The following ETV6 variants were observed in gnomAD, a reference collection of about 807,000 sequenced individuals.
ETV6 encodes the protein transcription factor ETV6.
In ETV6, 16 loss-of-function variants were observed where a neutral mutation model predicts 51.1. The observed-to-expected ratio is 0.31, with a 90% CI of 0.21 to 0.48. ETV6 has a LOEUF of 0.48. Among genes scored for constraint, ETV6 ranks in the 20% least tolerant of loss-of-function variants. The pLI, the probability that ETV6 is intolerant of heterozygous loss-of-function variation, is 0.99. For missense variants in ETV6, 458 were observed against 594.8 expected, an observed-to-expected ratio of 0.77 and a Z score of 2.39; for synonymous variants, 240 against 224.1, an observed-to-expected ratio of 1.07 and a Z score of -0.64.
chr12:11,829,051 C>T (rs2136449382), intron 2 of ETV6, among the ~76,000 whole-genome samples: 1 of 152,224 alleles, frequency 6.6e-6, no homozygotes, highest in East Asian at 1.9e-4. Flanking sequence ...TTCCGCAACC[C>T]CACCTGAGCC....
intron 5 of ETV6, among the ~76,000 whole-genome samples, chr12:11,881,300 G>T (rs1258492141): frequency 1.3e-5 from 2 of 152,182 alleles, no homozygotes; most frequent in African/African-American, 4.8e-5. Context: ...TTTTCCAGTT[G>T]GAAGAGATTA....
At chr12:11,752,639 C>T in intron 2 of ETV6, 60 bp downstream of exon 2, 1 of 1,555,292 alleles carries the variant, frequency 6.4e-7, no homozygotes, top group Non-Finnish European at 8.7e-7. Flanking sequence ...GGGTGGCAGG[C>T]AGTGGGCTCC....
intron 2 of ETV6, among the ~76,000 whole-genome samples, chr12:11,818,258 C>T (rs984749516): frequency 6.6e-6 from 1 of 152,196 alleles, no homozygotes; most frequent in African/African-American, 2.4e-5. Context: ...TGACTCACAC[C>T]TGTAATCCCA....
intron 1 of ETV6, among the ~76,000 whole-genome samples, chr12:11,699,969 TG>T (rs1289206723): frequency 6.6e-6 from 1 of 152,246 alleles, no homozygotes; most frequent in Non-Finnish European, 1.5e-5. Flanking sequence ...CTACTGCGTT[TG>T]TATTTCTTTT....
chr12:11,795,459 A>T (rs1363873669), intron 2 of ETV6, among the ~76,000 whole-genome samples: 2 of 152,268 alleles, frequency 1.3e-5, no homozygotes, highest in Admixed American at 6.5e-5. Context: ...CCTCCAAGGA[A>T]ACCAGGCCAA....
intron 2 of ETV6, among the ~76,000 whole-genome samples, chr12:11,789,356 GTTTTTTA>G (rs1945545663): frequency 6.6e-6 from 1 of 152,074 alleles, no homozygotes; most frequent in Non-Finnish European, 1.5e-5. Context: ...TTCTTACTTG[GTTTTTTA>G]TCTCCTTCAC....
At chr12:11,686,407 T>A (rs901791000) in intron 1 of ETV6, among the ~76,000 whole-genome samples, 2 of 152,234 alleles carry the variant, frequency 1.3e-5, no homozygotes, top group African/African-American at 2.4e-5. Flanking sequence ...TGTCGGGAAT[T>A]CACTGTTCTG....
At chr12:11,884,370 C>T (rs2136594676) in intron 5 of ETV6, 75 bp from the exon 6 acceptor site, 1 of 1,542,418 alleles carries the variant, frequency 6.5e-7, no homozygotes, top group South Asian at 1.1e-5. Context: ...TTGCTGGATT[C>T]TTTTTTGATT....
chr12:11,651,850 A>G (rs1343654011), intron 1 of ETV6, among the ~76,000 whole-genome samples: 1 of 152,198 alleles, frequency 6.6e-6, no homozygotes, highest in Non-Finnish European at 1.5e-5. Context: ...AACAACAAAA[A>G]ACAATGCTTT....
At chr12:11,792,571 C>G (rs1290652622) in intron 2 of ETV6, among the ~76,000 whole-genome samples, 2 of 151,962 alleles carry the variant, frequency 1.3e-5, no homozygotes, top group African/African-American at 4.8e-5. Flanking sequence ...CCTGTAATCC[C>G]AGGTACTCGG....
intron 5 of ETV6, among the ~76,000 whole-genome samples, chr12:11,882,359 G>A (rs1427875076): frequency 2.0e-5 from 3 of 152,142 alleles, no homozygotes; most frequent in Admixed American, 6.5e-5. Flanking sequence ...ACCCATTAAC[G>A]AGTTTCTCTG....
chr12:11,704,471 C>T lies in ETV6; in HGVS notation c.34-47979C>T, dbSNP rs888643485. On this transcript the variant is annotated intron_variant, in intron 1 of 7. Coordinates refer to ENST00000396373, the MANE Select transcript of ETV6 (RefSeq NM_001987.5). ...AAGCGATTCTCCTGTCCCAGCCTCC[C>T]GAGCAGCTGGGATTACAGGTGCACG... Among the ~76,000 whole-genome samples the T allele has an allele frequency of 2.6e-5, 4 of 152,058 alleles. No individual in the cohort carries two copies. In the South Asian group the frequency reaches 6.2e-4, roughly 24 times the overall value.
At chr12:11,770,172 G>A (rs928361355) in intron 2 of ETV6, among the ~76,000 whole-genome samples, 16 of 152,198 alleles carry the variant, frequency 1.1e-4, no homozygotes, top group African/African-American at 3.4e-4. Flanking sequence ...AAACAGCTCT[G>A]GGGAAAAGGA....
chr12:11,746,065 G>A (rs527500269), intron 1 of ETV6, among the ~76,000 whole-genome samples: 4 of 152,292 alleles, frequency 2.6e-5, no homozygotes, highest in African/African-American at 7.2e-5. Flanking sequence ...GCTACCCATA[G>A]GATAAGCAAC....
intron 1 of ETV6, among the ~76,000 whole-genome samples, chr12:11,700,591 TTTTG>T (rs1427057612): frequency 2.6e-5 from 4 of 152,190 alleles, no homozygotes; most frequent in African/African-American, 9.7e-5. Flanking sequence ...TTAACACATA[TTTTG>T]TTTGTTATAT....
chr12:11,726,725 A>G (rs544102184), intron 1 of ETV6, among the ~76,000 whole-genome samples: 64 of 152,284 alleles, frequency 4.2e-4, no homozygotes, highest in African/African-American at 1.5e-3. Flanking sequence ...AGCCGTGATC[A>G]CACCACTGCA....
At chr12:11,836,147 C>CT (rs1431993751) in intron 2 of ETV6, among the ~76,000 whole-genome samples, 4 of 152,204 alleles carry the variant, frequency 2.6e-5, no homozygotes, top group Non-Finnish European at 5.9e-5. Context: ...CACACAAGGT[C>CT]TTAAGGGCTT....
At chr12:11,709,671 A>C (rs569078672) in intron 1 of ETV6, among the ~76,000 whole-genome samples, 1 of 152,328 alleles carries the variant, frequency 6.6e-6, no homozygotes, top group South Asian at 2.1e-4. Flanking sequence ...GTATTTATGG[A>C]TGAGACTAAT....
Position 11,894,855 on chromosome 12 carries a change from C to T in ETV6, c.*3809C>T. ...TCACCCTGTGTGGCTCATTCCCACC[C>T]AGGAAACTGAAGATAAAAGATTTGG... is the stretch of plus-strand genomic sequence containing the variant. On this transcript the variant is annotated 3_prime_UTR_variant, in exon 8 of 8. Transcript: ENST00000396373. 1 of 233,616 alleles carries T rather than the reference C, an allele frequency of 4.3e-6. No homozygotes were observed. Among genetic ancestry groups the T allele is most frequent in the Non-Finnish European group, 8.5e-6 (1 of 118,026 alleles). 14.5% of individuals were successfully genotyped at this position (233,616 alleles called of 1,614,324 possible).
Sources: gnomAD v4.1 joint callset for allele counts (sites outside exome capture counted in the v4.1 genomes callset) on GRCh38, gnomAD v4.1.1 for gene constraint, MANE v1.5 for transcripts, NCBI Gene and HGNC (gene_info 2026-07-23, HGNC 2026-07-21) for gene names.